The following SDCCAG8 variants were observed in gnomAD, a reference collection of about 807,000 sequenced individuals.
SDCCAG8 encodes SHH signaling and ciliogenesis regulator SDCCAG8, also known as serologically defined colon cancer antigen 8.
SDCCAG8 carries 74 observed loss-of-function variants against 101.8 expected under a neutral mutation model. The ratio of observed to expected loss-of-function variants is 0.73; its 90% CI spans 0.60 to 0.88. The LOEUF (loss-of-function observed/expected upper bound fraction) is 0.88, where lower values mean the gene tolerates loss of function less well. Ranked by LOEUF, SDCCAG8 falls within the 40% of genes least tolerant of loss-of-function variation. The pLI is 0.00. For missense variants in SDCCAG8, 787 were observed against 822.6 expected (o/e 0.96, Z 0.53); for synonymous variants, 281 against 292.9 (o/e 0.96, Z 0.41).
intron 16 of SDCCAG8, among the ~76,000 whole-genome samples, chr1:243,437,763 C>T (rs1004202160): frequency 2.2e-4 from 34 of 152,134 alleles, no homozygotes; most frequent in Non-Finnish European, 4.1e-4. Context: ...TGGTCTCGAT[C>T]TCCTGACCTC....
At chr1:243,401,649 G>A (rs1043553544) in intron 13 of SDCCAG8, among the ~76,000 whole-genome samples, 2 of 152,042 alleles carry the variant, frequency 1.3e-5, no homozygotes, top group Admixed American at 6.5e-5. Flanking sequence ...TTGGCTGTAT[G>A]GATTAACTTT....
chr1:243,373,518 G>A (rs372476314), intron 12 of SDCCAG8, among the ~76,000 whole-genome samples: 3 of 152,076 alleles, frequency 2.0e-5, no homozygotes, highest in Non-Finnish European at 2.9e-5. Context: ...GCTTCAGGTC[G>A]TGGGTTGTGC....
intron 9 of SDCCAG8, among the ~76,000 whole-genome samples, chr1:243,329,512 C>G (rs2074437431): frequency 6.6e-6 from 1 of 152,138 alleles, no homozygotes; most frequent in Non-Finnish European, 1.5e-5. Context: ...TATGAAATTT[C>G]TAATCATACA....
At chr1:243,428,804 G>A (rs1221732748) in intron 16 of SDCCAG8, among the ~76,000 whole-genome samples, 1 of 152,162 alleles carries the variant, frequency 6.6e-6, no homozygotes, top group Non-Finnish European at 1.5e-5. Context: ...GTTAACTGTA[G>A]CACACACTGT....
intron 1 of SDCCAG8, among the ~76,000 whole-genome samples, chr1:243,265,754 A>G (rs535136018): frequency 1.3e-5 from 2 of 152,006 alleles, no homozygotes; most frequent in East Asian, 1.9e-4. Context: ...CGGAGGTTGC[A>G]GTGAGCCAAG....
At chr1:243,376,696 A>G (rs2077617660) in intron 12 of SDCCAG8, among the ~76,000 whole-genome samples, 1 of 151,942 alleles carries the variant, frequency 6.6e-6, no homozygotes, top group Non-Finnish European at 1.5e-5. Flanking sequence ...TTTTATTTCC[A>G]TAAAATCACC....
intron 10 of SDCCAG8, among the ~76,000 whole-genome samples, chr1:243,331,992 G>A (rs1436562972): frequency 6.6e-6 from 1 of 152,216 alleles, no homozygotes; most frequent in Non-Finnish European, 1.5e-5. Flanking sequence ...ATCTGACCTT[G>A]TCTAGGCAGT....
At chr1:243,446,981 G>A (rs191928471) in intron 16 of SDCCAG8, among the ~76,000 whole-genome samples, 85 of 152,264 alleles carry the variant, frequency 5.6e-4, no homozygotes, top group South Asian at 1.2e-3. Context: ...GCCGGGCACG[G>A]TGTCTCACGC....
intron 16 of SDCCAG8, among the ~76,000 whole-genome samples, chr1:243,429,911 C>G (rs1042688019): frequency 2.6e-5 from 4 of 152,010 alleles, no homozygotes; most frequent in African/African-American, 9.7e-5. Flanking sequence ...CCATGTTGGC[C>G]AGGCTGGTCT....
At position 243,468,726 on chromosome 1, in the gene SDCCAG8, C is replaced by T. The variant is rs2994337; in HGVS notation, c.1986-20288C>T. ...AATAAAAATAAAATGGCTGACAAAGCATTTAGTACAGTAACTGCACATAGA... is the reference window on the plus strand; with the variant it reads ...AATAAAAATAAAATGGCTGACAAAGTATTTAGTACAGTAACTGCACATAGA... On this transcript the variant is annotated intron_variant, in intron 16 of 17. Coordinates refer to ENST00000366541, the MANE Select transcript of SDCCAG8 (RefSeq NM_006642.5). Among the ~76,000 whole-genome samples, 4 of 152,136 alleles carry T rather than the reference C, an allele frequency of 2.6e-5. No individual in the cohort carries two copies. In the South Asian group the frequency reaches 8.3e-4, roughly 32 times the overall value.
intron 9 of SDCCAG8, among the ~76,000 whole-genome samples, chr1:243,324,604 G>A (rs1573300277): frequency 6.6e-6 from 1 of 151,868 alleles, no homozygotes; most frequent in African/African-American, 2.4e-5. Context: ...GATTACAGGT[G>A]TGAGCCACCG....
intron 17 of SDCCAG8, among the ~76,000 whole-genome samples, chr1:243,495,473 C>T (rs3006929): frequency 0.048 from 7,233 of 152,250 alleles, 566 homozygotes; most frequent in African/African-American, 0.16. Context: ...GGGGCCCAGC[C>T]GGGCAGCCAG....
intron 9 of SDCCAG8, among the ~76,000 whole-genome samples, chr1:243,322,057 C>T (rs1260139393): frequency 6.6e-6 from 1 of 152,170 alleles, no homozygotes; most frequent in East Asian, 1.9e-4. Context: ...AATGGGATTG[C>T]TGTGTTGAAT....
chr1:243,357,653 C>T (rs1181922968), intron 12 of SDCCAG8, among the ~76,000 whole-genome samples: 3 of 152,286 alleles, frequency 2.0e-5, no homozygotes, highest in South Asian at 2.1e-4. Context: ...CAAACAAATA[C>T]GCACAGGGGT....
intron 11 of SDCCAG8, among the ~76,000 whole-genome samples, chr1:243,343,686 C>A (rs1165755246): frequency 1.3e-5 from 2 of 152,192 alleles, no homozygotes; most frequent in Non-Finnish European, 2.9e-5. Context: ...ATGACATCTG[C>A]AAACCTTGCA....
At chr1:243,280,558 A>G (rs2068942934) in intron 4 of SDCCAG8, among the ~76,000 whole-genome samples, 1 of 152,098 alleles carries the variant, frequency 6.6e-6, no homozygotes, top group Non-Finnish European at 1.5e-5. Flanking sequence ...CTTCTTTTCT[A>G]ATTTTTTTAC....
chr1:243,425,297 A>T (rs981243388), intron 15 of SDCCAG8, among the ~76,000 whole-genome samples: 9 of 152,138 alleles, frequency 5.9e-5, no homozygotes, highest in Non-Finnish European at 1.3e-4. Context: ...ACTGCAAGGT[A>T]TCAATCAGGG....
chr1:243,372,345 C>T (rs945449896), intron 12 of SDCCAG8, among the ~76,000 whole-genome samples: 18 of 151,974 alleles, frequency 1.2e-4, no homozygotes, highest in Admixed American at 3.9e-4. Flanking sequence ...AACAAGTCAC[C>T]CTATATTAAA....
chr1:243,388,385 C>T (rs1278793215), intron 13 of SDCCAG8, among the ~76,000 whole-genome samples: 1 of 152,136 alleles, frequency 6.6e-6, no homozygotes, highest in Non-Finnish European at 1.5e-5. Context: ...GTTAGGATCA[C>T]CCTTGGGCAC....
Sources: allele counts gnomAD v4.1 joint callset (sites outside exome capture counted in the v4.1 genomes callset), GRCh38; gene constraint gnomAD v4.1.1; transcripts MANE v1.5; gene names NCBI Gene and HGNC (gene_info 2026-07-23, HGNC 2026-07-21).